The following RPAP1 variants were observed in gnomAD, a reference collection of about 807,000 sequenced individuals.
The protein encoded by RPAP1 is RNA polymerase II associated protein 1, also known as RNA polymerase II-associated protein 1.
Under a neutral mutation model 142.4 loss-of-function variants are expected in RPAP1, and 109 were observed. The observed-to-expected ratio is 0.77, with a 90% CI of 0.66 to 0.90. The LOEUF is 0.90. Ranked by LOEUF, RPAP1 falls within the 40% of genes least tolerant of loss-of-function variation. The pLI is 0.00. For missense variants in RPAP1, 1,546 were observed against 1,751.7 expected, an observed-to-expected ratio of 0.88 and a Z score of 2.10; for synonymous variants, 704 against 738.9, an observed-to-expected ratio of 0.95 and a Z score of 0.77.
intron 14 of RPAP1, among the ~76,000 whole-genome samples, chr15:41,525,701 C>T (rs540519998): frequency 6.6e-6 from 1 of 151,964 alleles, no homozygotes; most frequent in East Asian, 1.9e-4. Flanking sequence ...GTCGCCCAGG[C>T]TGGAGTGCAG....
Position 41,517,689 on chromosome 15 carries a change from AC to A in RPAP1, c.4034del (p.Gly1345ValfsTer37). 6.2e-7 allele frequency: 1 copy of A among 1,612,248 alleles called. No individual in the cohort carries two copies. The highest frequency in any genetic ancestry group is 8.5e-7 in the Non-Finnish European group (1 of 1,178,614). On this transcript the variant is annotated frameshift_variant and splice_region_variant, in exon 25 of 25. Coordinates refer to ENST00000304330, the MANE Select transcript of RPAP1 (RefSeq NM_015540.4). LOFTEE classifies it high-confidence loss of function. ...LQKTWLLADEGLRQHLLHYKL... is the reference protein window; with the variant it reads ...LQKTWLLADEXLRQHLLHYKL... ...TATAGTGCAGGAGGTGCTGCCGGAG[AC>A]CCTGCAGAAAGGAAAGAAAACTTAT...
chr15:41,536,318 C>A, intron 3 of RPAP1, 100 bp from the exon 4 acceptor site: 1 of 1,343,854 alleles, frequency 7.4e-7, no homozygotes, highest in African/African-American at 1.4e-5. Flanking sequence ...GAACCTCACT[C>A]TGGGGGGTTA....
rs1011707092 is a variant in RPAP1, at chr15:41,517,300, G to A, written c.*242C>T. ...TTAGTTTGCCCTGTCCCCAAAGAGC[G>A]GGTAAATAGCTAAGCCACTCTTCAC... On this transcript the variant is annotated 3_prime_UTR_variant, in exon 25 of 25. Coordinates refer to ENST00000304330, the MANE Select transcript of RPAP1 (RefSeq NM_015540.4). 25 of 385,884 alleles carry A rather than the reference G, an allele frequency of 6.5e-5. No individual in the cohort carries two copies. The highest frequency in any genetic ancestry group is 8.7e-5 in the Non-Finnish European group (19 of 217,308). The allele number at this position is 385,884 out of a possible 1,614,324, so 23.9% of individuals were successfully genotyped here.
chr15:41,531,068 C>T lies in RPAP1; in HGVS notation c.898G>A (p.Ala300Thr). 1 of 1,613,882 alleles carries T rather than the reference C, an allele frequency of 6.2e-7. No homozygotes were observed. The highest frequency in any genetic ancestry group is 8.5e-7 in the Non-Finnish European group (1 of 1,179,854). The change falls in exon 7 of 25, where the codon GCC becomes ACC. Residue 300 changes from alanine (A) to threonine (T), a missense_variant. Around this residue, in one of 3 missense-constraint regions of RPAP1, gnomAD observed 1,333 missense variants for 1,486.6 expected, o/e 0.90. Coordinates refer to ENST00000304330, the MANE Select transcript of RPAP1 (RefSeq NM_015540.4). ...TTGTCTCTCTTCCTGGGCTCACTGG[C>T]AAAAGCTGACATGAGGGGTTCCTCC... is the stretch of plus-strand genomic sequence containing the variant. ...TKEEPLMSAF[A>T]SEPRKRDKLE...
chr15:41,529,485 A>G lies in RPAP1; in HGVS notation c.1143T>C (p.His381=), dbSNP rs2051826441. 2 of 1,612,212 alleles carry G rather than the reference A, an allele frequency of 1.2e-6. No individual in the cohort carries two copies. The highest frequency in any genetic ancestry group is 1.3e-5 in the African/African-American group (1 of 74,964). The stretch of plus-strand genomic sequence containing the variant: ...CATGCCTCACCTCTGCCTCCTCTCC[A>G]TGGTGGTGCAGACCCAGGTGGGTGG... ...DLPTHLGLHH[H]GEEAERAGYS... The change falls in exon 9 of 25, where the codon CAT becomes CAC. Residue 381 remains histidine (H), a synonymous_variant. Transcript: ENST00000304330.
Position 41,525,142 on chromosome 15 carries a change from T to A in RPAP1, c.1924A>T (p.Ser642Cys). Reference protein sequence around the residue: ...GRNIAARLLSSFDLRSRLCRI... With the variant: ...GRNIAARLLSCFDLRSRLCRI... ...CACAGGCGGCTCCGGAGATCAAAGC[T>A]GCTCAACTGGAAATGGGCACAGTCT... The change falls in exon 15 of 25, where the codon AGC (serine) becomes TGC (cysteine). Residue 642 changes from serine to cysteine, a missense_variant. Physicochemically the swap from Ser to Cys is moderately radical, Grantham distance 112. Around this residue, in one of 3 missense-constraint regions of RPAP1, gnomAD observed 1,333 missense variants for 1,486.6 expected, o/e 0.90. Transcript: ENST00000304330. 6.2e-7 allele frequency: 1 copy of A among 1,608,032 alleles called. No individual in the cohort carries two copies. Among genetic ancestry groups the A allele is most frequent in the Non-Finnish European group, 8.5e-7 (1 of 1,177,176 alleles).
At chr15:41,538,039 C>A (rs1187237435) in intron 1 of RPAP1, among the ~76,000 whole-genome samples, 1 of 152,142 alleles carries the variant, frequency 6.6e-6, no homozygotes, top group African/African-American at 2.4e-5. Flanking sequence ...GTCAGGAGAT[C>A]AAGACCATCC....
chr15:41,522,800 T>C lies in RPAP1; in HGVS notation c.2707A>G (p.Thr903Ala). The C allele has an allele frequency of 6.4e-7, 1 of 1,552,086 alleles. No homozygotes were observed. The highest frequency in any genetic ancestry group is 1.2e-5 in the South Asian group (1 of 83,876). The change falls in exon 19 of 25, where the codon ACC becomes GCC. Residue 903 changes from threonine to alanine, a missense_variant. Coordinates refer to ENST00000304330, the MANE Select transcript of RPAP1 (RefSeq NM_015540.4). ...AGCCCCTTGTGGATCTGGGCCAGGG[T>C]ATTAAGAAGAGAGAGGAGGGCAGTG... ...FLTALLSLLNTLAQIHKGLCG... is the reference protein window; with the variant it reads ...FLTALLSLLNALAQIHKGLCG...
At chr15:41,521,967 A>C (rs2051730319) in intron 20 of RPAP1, 87 bp from the exon 21 acceptor site, 1 of 1,567,668 alleles carries the variant, frequency 6.4e-7, no homozygotes, top group Admixed American at 1.7e-5. Flanking sequence ...AGTGAGGCTG[A>C]AGGGCAGAGG....
intron 6 of RPAP1, among the ~76,000 whole-genome samples, chr15:41,534,108 C>T (rs978162331): frequency 6.9e-6 from 1 of 144,532 alleles, no homozygotes; most frequent in African/African-American, 2.6e-5. Context: ...GGCAACAAGA[C>T]CGAAACTCCA....
chr15:41,528,650 A>G (rs2051819260), intron 9 of RPAP1, among the ~76,000 whole-genome samples: 1 of 152,174 alleles, frequency 6.6e-6, no homozygotes, highest in Non-Finnish European at 1.5e-5. Context: ...AGGCAAAGGC[A>G]TTTCCTGGAG....
rs1254377150 is a variant in RPAP1, at chr15:41,524,301, G to T, written c.2076-47C>A. 4 of 1,480,592 alleles carry T rather than the reference G, an allele frequency of 2.7e-6. No individual in the cohort carries two copies. In the Admixed American group the frequency reaches 6.9e-5, roughly 26 times the overall value. 91.7% of individuals were successfully genotyped at this position (1,480,592 alleles called of 1,614,324 possible). On this transcript the variant is annotated intron_variant, in intron 15 of 24. Transcript: ENST00000304330. ...TTTTCACTGTATGAAAGCAAGTGGA[G>T]ACATGAGACACAGGTCATGGCCCTG...
rs374448613 is a variant in RPAP1, at chr15:41,523,028, G to C, written c.2547-68C>G. The C allele has an allele frequency of 2.1e-5, 29 of 1,366,006 alleles. No homozygotes were observed. In the African/African-American group the frequency reaches 2.2e-4, roughly 11 times the overall value. The allele number at this position is 1,366,006 out of a possible 1,614,324, so 84.6% of individuals were successfully genotyped here. A position where few individuals can be genotyped will look rare whatever the true frequency, so the allele number is the denominator to read the frequency against. The stretch of plus-strand genomic sequence containing the variant: ...GTGTGCCAAGCTGGAAAGAGCTTCT[G>C]GGTCTGTACCTAAGACTAACGGGGG... On this transcript the variant is annotated intron_variant, in intron 18 of 24. Transcript: ENST00000304330.
At chr15:41,543,746 A>G (rs927531643) in intron 1 of RPAP1, among the ~76,000 whole-genome samples, 1 of 152,200 alleles carries the variant, frequency 6.6e-6, no homozygotes, top group African/African-American at 2.4e-5. Flanking sequence ...GCTAGAAGTG[A>G]TAACATTTTC....
chr15:41,537,273 C>T, intron 1 of RPAP1, 72 bp from the exon 2 acceptor site: 3 of 732,110 alleles, frequency 4.1e-6, no homozygotes, highest in East Asian at 5.4e-5. Flanking sequence ...CAGCGAAGAT[C>T]TTCTTTATCC....
chr15:41,536,136 T>C lies in RPAP1; in HGVS notation c.413A>G (p.Asp138Gly). The C allele has an allele frequency of 1.2e-6, 2 of 1,613,882 alleles. No homozygotes were observed. Among genetic ancestry groups the C allele is most frequent in the African/African-American group, 1.3e-5 (1 of 75,000 alleles). ...AAGCTTACCCTTGCCTACCTGTGTG[T>C]CCCGCGAGCGAAGGAACACAGCAGG... ...AFPAVFLRSR[D>G]TQGKSATSGK... Residue 138 changes from aspartate (D) to glycine (G), a missense_variant, in exon 4 of 25, where the codon GAC (aspartate) becomes GGC (glycine). Coordinates refer to ENST00000304330, the MANE Select transcript of RPAP1 (RefSeq NM_015540.4).
At chr15:41,543,955 G>A (rs1157623218) in intron 1 of RPAP1, 1 of 152,216 alleles carries the variant, frequency 6.6e-6, no homozygotes, top group East Asian at 1.9e-4. Flanking sequence ...TCCCGAGTCG[G>A]GACGCGTGAC....
chr15:41,520,149 G>T (rs1469920095), intron 22 of RPAP1: 1 of 526,374 alleles, frequency 1.9e-6, no homozygotes, highest in Non-Finnish European at 3.4e-6. Flanking sequence ...GCCCAGGCTG[G>T]TCTCAAACTC....
chr15:41,517,459 A>C lies in RPAP1; in HGVS notation c.*83T>G, dbSNP rs1339658936. 1.5e-6 allele frequency: 2 copies of C among 1,299,510 alleles called. No homozygotes were observed. The highest frequency in any genetic ancestry group is 3.0e-5 in the African/African-American group (2 of 67,454). The allele number at this position is 1,299,510 out of a possible 1,614,324, so 80.5% of individuals were successfully genotyped here. On this transcript the variant is annotated 3_prime_UTR_variant, in exon 25 of 25. Transcript: ENST00000304330. ...TTGGTCTCCTGCCTACCATTAGGACACAATGTTCTTCGTCTGGCCAGACAT... is the reference window on the plus strand; with the variant it reads ...TTGGTCTCCTGCCTACCATTAGGACCCAATGTTCTTCGTCTGGCCAGACAT...
Sources: allele counts gnomAD v4.1 joint callset (sites outside exome capture counted in the v4.1 genomes callset), GRCh38; gene constraint gnomAD v4.1.1; regional missense constraint gnomAD v4.1.1; transcripts MANE v1.5; gene names NCBI Gene and HGNC (gene_info 2026-07-23, HGNC 2026-07-21).